GALNT13: variants seen among roughly 807,000 people sequenced by gnomAD.
GALNT13 encodes the protein UDP-GalNAc:polypeptide N-acetylgalactosaminyltransferase 13.
Under a neutral mutation model 64.2 loss-of-function variants are expected in GALNT13, and 28 were observed. That is an observed-to-expected ratio of 0.44 (90% CI 0.32 to 0.60). The LOEUF is 0.60. Among genes scored for constraint, GALNT13 ranks in the 20% least tolerant of loss-of-function variants. The pLI, the probability that GALNT13 is intolerant of heterozygous loss-of-function variation, is 0.05. For synonymous variants in GALNT13, 214 were observed against 224.6 expected (o/e 0.95, Z 0.42); for missense variants, 577 against 669.8 (o/e 0.86, Z 1.53).
chr2:153,382,824 C>T, the GALNT13 span, among the ~76,000 whole-genome samples: 35 of 152,022 alleles, frequency 2.3e-4, no homozygotes, highest in Middle Eastern at 6.8e-3. Context: ...TCCTGCATAA[C>T]ATAATTATGT....
chr2:153,074,542 G>A, the GALNT13 span, among the ~76,000 whole-genome samples: 1 of 152,122 alleles, frequency 6.6e-6, no homozygotes, highest in African/African-American at 2.4e-5. Flanking sequence ...ACTCTGTACA[G>A]CATGGTACTT....
At chr2:153,528,609 C>T in the GALNT13 span, among the ~76,000 whole-genome samples, 3 of 152,050 alleles carry the variant, frequency 2.0e-5, no homozygotes, top group East Asian at 5.8e-4. Flanking sequence ...CTAACAACTG[C>T]AGGATACACA....
the GALNT13 span, among the ~76,000 whole-genome samples, chr2:153,247,696 A>C: frequency 2.3e-5 from 1 of 42,734 alleles, no homozygotes; most frequent in Admixed American, 1.3e-4. Context: ...CCAGCAGAAT[A>C]CAAGAAGTAA....
At chr2:153,119,109 A>T in the GALNT13 span, among the ~76,000 whole-genome samples, 7 of 152,250 alleles carry the variant, frequency 4.6e-5, no homozygotes, top group African/African-American at 1.7e-4. Context: ...CCCTTCTGCC[A>T]TGATTGTAAG....
chr2:154,070,168 T>C (rs1700670038), intron 3 of GALNT13, among the ~76,000 whole-genome samples: 1 of 152,132 alleles, frequency 6.6e-6, no homozygotes, highest in Admixed American at 6.6e-5. Context: ...TAGGAATTCA[T>C]AGTCACTCAT....
intron 7 of GALNT13, among the ~76,000 whole-genome samples, chr2:154,256,007 T>C (rs976611180): frequency 6.6e-6 from 1 of 151,658 alleles, no homozygotes; most frequent in African/African-American, 2.4e-5. Flanking sequence ...GAAATCTGAT[T>C]GCACCACTAC....
chr2:153,385,615 T>C, the GALNT13 span, among the ~76,000 whole-genome samples: 1 of 151,970 alleles, frequency 6.6e-6, no homozygotes. Flanking sequence ...TAACAAGAAT[T>C]AATAAGACCT....
the GALNT13 span, among the ~76,000 whole-genome samples, chr2:153,288,334 G>A: frequency 1.3e-5 from 2 of 152,016 alleles, no homozygotes; most frequent in African/African-American, 4.8e-5. Context: ...TATGTGCATC[G>A]GTAGTCTTGA....
intron 3 of GALNT13, among the ~76,000 whole-genome samples, chr2:154,075,155 A>G (rs1205459935): frequency 6.6e-6 from 1 of 151,724 alleles, no homozygotes; most frequent in Non-Finnish European, 1.5e-5. Context: ...TCAAAAAACT[A>G]CCTTTTGGGT....
the GALNT13 span, among the ~76,000 whole-genome samples, chr2:153,676,968 A>C: frequency 1.3e-5 from 2 of 152,186 alleles, no homozygotes; most frequent in East Asian, 3.9e-4. Flanking sequence ...AGCTGGAACA[A>C]GACAAGCATG....
the GALNT13 span, among the ~76,000 whole-genome samples, chr2:153,769,135 GTGT>G: frequency 6.6e-6 from 1 of 152,072 alleles, no homozygotes; most frequent in Admixed American, 6.6e-5. Flanking sequence ...TCTTGTCATA[GTGT>G]TGTTAGCTAG....
the GALNT13 span, among the ~76,000 whole-genome samples, chr2:153,645,178 G>T: frequency 1.3e-5 from 2 of 152,180 alleles, no homozygotes; most frequent in African/African-American, 4.8e-5. Context: ...AAAAATACGC[G>T]CTTCATGGCA....
At chr2:153,079,651 G>A in the GALNT13 span, among the ~76,000 whole-genome samples, 11 of 152,134 alleles carry the variant, frequency 7.2e-5, no homozygotes, top group African/African-American at 2.7e-4. Context: ...TCTGAACTGA[G>A]GCCTGCATTT....
intron 10 of GALNT13, among the ~76,000 whole-genome samples, chr2:154,405,403 A>C (rs13413552): frequency 0.65 from 99,076 of 151,646 alleles, 32,923 homozygotes; most frequent in Admixed American, 0.73. Flanking sequence ...CAACAAGACC[A>C]AAAATATTAG....
chr2:154,397,674 C>A (rs540078893), intron 10 of GALNT13, among the ~76,000 whole-genome samples: 34 of 152,160 alleles, frequency 2.2e-4, no homozygotes, highest in African/African-American at 8.2e-4. Flanking sequence ...TGACTGGAAC[C>A]CTAGCTGAAT....
chr2:153,081,747 A>T, the GALNT13 span, among the ~76,000 whole-genome samples: 442 of 152,096 alleles, frequency 2.9e-3, 2 homozygotes, highest in African/African-American at 0.01. Flanking sequence ...CATGTACCAC[A>T]TTTTTTTTAA....
the GALNT13 span, among the ~76,000 whole-genome samples, chr2:153,119,039 C>T: frequency 6.6e-6 from 1 of 152,034 alleles, no homozygotes; most frequent in Non-Finnish European, 1.5e-5. Context: ...GGGACTTTCC[C>T]TACTCTTCGC....
At chr2:154,397,212 G>T (rs1699095767) in intron 10 of GALNT13, among the ~76,000 whole-genome samples, 1 of 151,772 alleles carries the variant, frequency 6.6e-6, no homozygotes, top group Admixed American at 6.6e-5. Context: ...AAGGCAGGCG[G>T]ATCATGAGGC....
At chr2:153,145,329 A>G in the GALNT13 span, among the ~76,000 whole-genome samples, 2 of 151,984 alleles carry the variant, frequency 1.3e-5, no homozygotes, top group Non-Finnish European at 2.9e-5. Context: ...TGAATACTAT[A>G]ATGCCGAAAA....
Sources: allele counts gnomAD v4.1 joint callset (sites outside exome capture counted in the v4.1 genomes callset), GRCh38; gene constraint gnomAD v4.1.1; transcripts MANE v1.5; gene names NCBI Gene and HGNC (gene_info 2026-07-23, HGNC 2026-07-21).